The following FAM178B variants were observed in gnomAD, a reference collection of about 807,000 sequenced individuals.
FAM178B encodes the protein protein FAM178B.
FAM178B carries 82 observed loss-of-function variants against 91.7 expected under a neutral mutation model. The ratio of observed to expected loss-of-function variants is 0.89; its 90% CI spans 0.75 to 1.07. FAM178B has a LOEUF of 1.07. Ranked by LOEUF, FAM178B falls within the 50% of genes least tolerant of loss-of-function variation. FAM178B has a pLI of 0.00. For synonymous variants in FAM178B, 368 were observed against 359.4 expected (o/e 1.02, Z -0.27); for missense variants, 769 against 846.7 (o/e 0.91, Z 1.14).
At chr2:96,930,177 C>T (rs2081514860) in intron 8 of FAM178B, among the ~76,000 whole-genome samples, 1 of 128,800 alleles carries the variant, frequency 7.8e-6, no homozygotes, top group South Asian at 2.5e-4. Flanking sequence ...AGCACTCCAG[C>T]AGCCTGGGTG....
chr2:96,961,312 G>GGTGGGT (rs1553508278), intron 5 of FAM178B, among the ~76,000 whole-genome samples: 164 of 146,842 alleles, frequency 1.1e-3, no homozygotes, highest in Non-Finnish European at 2.0e-3. Flanking sequence ...AGCAGCAGAG[G>GGTGGGT]GTGTGTGTGT....
Position 96,902,602 on chromosome 2 carries a change from C to A in FAM178B, c.1650+18G>T. ...GCAGGCCATGGCCTTCCTGCCCAGG[C>A]CTGAAGCAAACACTCACCTGGGTCT... is the stretch of plus-strand genomic sequence containing the variant. On this transcript the variant is annotated intron_variant, in intron 13 of 16. Coordinates refer to ENST00000490605, the MANE Select transcript of FAM178B (RefSeq NM_001122646.3). The A allele has an allele frequency of 6.5e-7, 1 of 1,538,624 alleles. No homozygotes were observed. The highest frequency in any genetic ancestry group is 8.8e-7 in the Non-Finnish European group (1 of 1,135,668).
intron 14 of FAM178B, among the ~76,000 whole-genome samples, chr2:96,888,515 A>C (rs918518686): frequency 2.6e-5 from 4 of 152,252 alleles, no homozygotes; most frequent in Non-Finnish European, 4.4e-5. Flanking sequence ...GAGAGGGCAG[A>C]GGCAAGCACA....
intron 13 of FAM178B, among the ~76,000 whole-genome samples, chr2:96,896,240 G>T (rs1265003541): frequency 2.0e-5 from 3 of 152,220 alleles, no homozygotes; most frequent in Non-Finnish European, 4.4e-5. Context: ...GCACTCTTGC[G>T]ATGCTTGCTC....
At position 96,876,036 on chromosome 2, in the gene FAM178B, G is replaced by T; in HGVS notation, c.*240C>A. ...AGGAGATGGCTGGGAGGAGGGCTGA[G>T]GGGTGGGCGAGGCAGAGAGGCCCAT... On this transcript the variant is annotated 3_prime_UTR_variant, in exon 17 of 17. Coordinates refer to ENST00000490605, the MANE Select transcript of FAM178B (RefSeq NM_001122646.3). The T allele has an allele frequency of 1.8e-6, 1 of 566,154 alleles. No homozygotes were observed. Among genetic ancestry groups the T allele is most frequent in the Non-Finnish European group, 3.2e-6 (1 of 315,594 alleles). 35.1% of individuals were successfully genotyped at this position (566,154 alleles called of 1,614,324 possible). A position where few individuals can be genotyped will look rare whatever the true frequency, so the allele number is the denominator to read the frequency against.
intron 8 of FAM178B, among the ~76,000 whole-genome samples, chr2:96,934,931 C>G (rs886576368): frequency 1.7e-4 from 26 of 152,344 alleles, no homozygotes; most frequent in Admixed American, 1.6e-3. Flanking sequence ...TCTCTATAGG[C>G]CCCTGGCCTG....
At chr2:96,946,838 G>A (rs950691944) in intron 8 of FAM178B, among the ~76,000 whole-genome samples, 3 of 152,250 alleles carry the variant, frequency 2.0e-5, no homozygotes, top group African/African-American at 7.2e-5. Context: ...CACTGAGACT[G>A]GTGCTACTCA....
At chr2:96,929,815 G>A (rs2081509857) in intron 8 of FAM178B, among the ~76,000 whole-genome samples, 1 of 152,216 alleles carries the variant, frequency 6.6e-6, no homozygotes, top group Non-Finnish European at 1.5e-5. Flanking sequence ...CCTGCTGGGA[G>A]CACACCTCGC....
chr2:96,966,508 A>G (rs956001489), intron 5 of FAM178B, among the ~76,000 whole-genome samples: 1 of 49,602 alleles, frequency 2.0e-5, no homozygotes, highest in South Asian at 2.5e-4. Flanking sequence ...AGCAGTGGGA[A>G]GGCAGAGATT....
At chr2:96,970,803 G>C in intron 3 of FAM178B, 26 bp from the exon 4 acceptor site, 1 of 1,504,768 alleles carries the variant, frequency 6.6e-7, no homozygotes, top group South Asian at 1.2e-5. Flanking sequence ...ATGGGAATGA[G>C]GACGACAGAG....
At chr2:96,902,745 G>T in intron 12 of FAM178B, 38 bp from the exon 13 acceptor site, 2 of 1,488,038 alleles carry the variant, frequency 1.3e-6, no homozygotes, top group Non-Finnish European at 1.8e-6. Flanking sequence ...GGGTGTGCTG[G>T]AAGTCGGGGA....
intron 1 of FAM178B, among the ~76,000 whole-genome samples, chr2:96,974,351 C>T (rs1454575921): frequency 8.1e-6 from 1 of 122,712 alleles, no homozygotes; most frequent in Non-Finnish European, 1.6e-5. Context: ...CACTGTACTC[C>T]AGCCTGGGCA....
intron 12 of FAM178B, among the ~76,000 whole-genome samples, chr2:96,909,328 G>A (rs1187726043): frequency 2.0e-5 from 3 of 152,046 alleles, no homozygotes; most frequent in Non-Finnish European, 2.9e-5. Context: ...AAAGGAAATC[G>A]TTCCCATATT....
Position 96,951,424 on chromosome 2 carries a change from C to A in FAM178B, c.948G>T (p.Leu316=). 6.4e-7 allele frequency: 1 copy of A among 1,551,556 alleles called. No individual in the cohort carries two copies. Among genetic ancestry groups the A allele is most frequent in the Non-Finnish European group, 8.7e-7 (1 of 1,146,924 alleles). The change falls in exon 7 of 17, where the codon CTG becomes CTT. Residue 316 remains leucine (L), a synonymous_variant. Coordinates refer to ENST00000490605, the MANE Select transcript of FAM178B (RefSeq NM_001122646.3). ...GGGATACCGGGCAGTCAGGCATGTG[C>A]AGGTAGAGGATGTTCAGGAGGCCAC... ...LRSGLLNILY[L]HMPDCPVSLL...
At chr2:96,880,754 C>G (rs896118661) in intron 14 of FAM178B, among the ~76,000 whole-genome samples, 1 of 152,216 alleles carries the variant, frequency 6.6e-6, no homozygotes, top group Non-Finnish European at 1.5e-5. Flanking sequence ...GCCACCGTGC[C>G]CGGAGAATTT....
At chr2:96,950,028 G>A in intron 7 of FAM178B, 10 of 985,782 alleles carry the variant, frequency 1.0e-5, no homozygotes, top group Non-Finnish European at 1.2e-5. Flanking sequence ...CAGCCCCCTC[G>A]CAGCATGATG....
intron 8 of FAM178B, among the ~76,000 whole-genome samples, chr2:96,941,148 A>G (rs773175687): frequency 4.6e-5 from 7 of 152,250 alleles, no homozygotes; most frequent in Non-Finnish European, 1.0e-4. Context: ...AATAATCACA[A>G]GAAACTGTAC....
chr2:96,986,378 C>T lies in FAM178B; in HGVS notation c.-65G>A, dbSNP rs115389358. On this transcript the variant is annotated 5_prime_UTR_variant, in exon 1 of 17. Transcript: ENST00000490605. ...CGGGAATTCGCACGGCCTCAGAGGACGGGGCCAGCTAGCCGGGAAAGGAAG... is the reference window on the plus strand; with the variant it reads ...CGGGAATTCGCACGGCCTCAGAGGATGGGGCCAGCTAGCCGGGAAAGGAAG... 13 of 1,507,042 alleles carry T rather than the reference C, an allele frequency of 8.6e-6. No homozygotes were observed. Among genetic ancestry groups the T allele is most frequent in the Non-Finnish European group, 1.1e-5 (13 of 1,133,070 alleles). The allele number at this position is 1,507,042 out of a possible 1,614,324, so 93.4% of individuals were successfully genotyped here.
chr2:96,911,681 A>G (rs756580699), intron 12 of FAM178B, among the ~76,000 whole-genome samples: 1 of 152,180 alleles, frequency 6.6e-6, no homozygotes, highest in Non-Finnish European at 1.5e-5. Flanking sequence ...GCTCTGGCGG[A>G]AATCCAAGGG....
Sources: gnomAD v4.1 joint callset for allele counts (sites outside exome capture counted in the v4.1 genomes callset) on GRCh38, gnomAD v4.1.1 for gene constraint, MANE v1.5 for transcripts, NCBI Gene and HGNC (gene_info 2026-07-23, HGNC 2026-07-21) for gene names.